The following VPS53 variants were observed in gnomAD, a reference collection of about 807,000 sequenced individuals.
The protein encoded by VPS53 is vacuolar protein sorting-associated protein 53 homolog.
Under a neutral mutation model 107.0 loss-of-function variants are expected in VPS53, and 70 were observed. The ratio of observed to expected loss-of-function variants is 0.65; its 90% confidence interval spans 0.54 to 0.80. The LOEUF (loss-of-function observed/expected upper bound fraction) is 0.80, where lower values mean the gene tolerates loss of function less well. Ranked by LOEUF, VPS53 falls within the 30% of genes least tolerant of loss-of-function variation. The probability of loss-of-function intolerance (pLI) is 0.00; values close to 1 mark genes in which losing one functional copy is unlikely to be tolerated. For missense variants in VPS53, 917 were observed against 1,049.4 expected (o/e 0.87, Z 1.74); for synonymous variants, 409 against 393.3 (o/e 1.04, Z -0.47).
intron 5 of VPS53, chr17:656,716 GTGTGT>G: frequency 1.5e-6 from 1 of 680,716 alleles, no homozygotes; most frequent in Non-Finnish European, 2.6e-6. Context: ...GTGTGTGTGT[GTGTGT>G]GTGTGTGTGT....
At chr17:603,591 CT>C (rs35892811) in intron 11 of VPS53, among the ~76,000 whole-genome samples, 20,991 of 152,188 alleles carry the variant, frequency 0.14, 1,912 homozygotes, top group South Asian at 0.23. Flanking sequence ...ATGACAAAGC[CT>C]TGTGGTGATG....
At chr17:652,119 C>T (rs1021364687) in intron 7 of VPS53, among the ~76,000 whole-genome samples, 6 of 151,926 alleles carry the variant, frequency 3.9e-5, no homozygotes, top group African/African-American at 9.7e-5. Context: ...CTCAGCTTCC[C>T]GAGTAGCTGG....
chr17:701,752 C>T (rs77284150), intron 2 of VPS53, among the ~76,000 whole-genome samples: 14,878 of 151,410 alleles, frequency 0.098, 818 homozygotes, highest in East Asian at 0.21. Context: ...TTTAAGATGG[C>T]GGCTCACTCT....
At chr17:575,785 A>C (rs1243126549) in intron 13 of VPS53, among the ~76,000 whole-genome samples, 1 of 149,674 alleles carries the variant, frequency 6.7e-6, no homozygotes, top group East Asian at 2.0e-4. Context: ...TTCCCTCAGA[A>C]CCTAATGCGG....
At chr17:683,255 A>C (rs1432529800) in intron 4 of VPS53, among the ~76,000 whole-genome samples, 2 of 152,158 alleles carry the variant, frequency 1.3e-5, no homozygotes, top group African/African-American at 4.8e-5. Context: ...ATTTTTTTTT[A>C]AGTGAAAGGC....
chr17:657,663 G>T, intron 5 of VPS53: 1 of 573,158 alleles, frequency 1.7e-6, no homozygotes, highest in Non-Finnish European at 3.1e-6. Flanking sequence ...GGAGTGCCCT[G>T]GATACCAAAC....
In VPS53 at chr17:518,824, G is replaced by T; in HGVS notation, c.*304C>A. The T allele has an allele frequency of 4.1e-6, 1 of 244,668 alleles. No individual in the cohort carries two copies. Among genetic ancestry groups the T allele is most frequent in the Non-Finnish European group, 7.7e-6 (1 of 129,272 alleles). 15.2% of individuals were successfully genotyped at this position (244,668 alleles called of 1,614,324 possible). ...GGTGGGGCCCACGTGTCAAGAGGGT[G>T]TGACTGCCATGGGGAGGCTACATGA... On this transcript the variant is annotated 3_prime_UTR_variant, in exon 22 of 22. Transcript: ENST00000437048.
intron 19 of VPS53, among the ~76,000 whole-genome samples, chr17:521,940 T>TA (rs1908794325): frequency 6.6e-6 from 1 of 152,132 alleles, no homozygotes; most frequent in Non-Finnish European, 1.5e-5. Context: ...GGAGCCAGCC[T>TA]ATGTGTACGT....
intron 19 of VPS53, chr17:523,252 A>C (rs1221312255): frequency 6.6e-6 from 1 of 152,502 alleles, no homozygotes; most frequent in African/African-American, 2.4e-5. Context: ...TGGCCTGTTG[A>C]GATGGCTTAG....
At chr17:626,023 C>T (rs1969693416) in intron 10 of VPS53, among the ~76,000 whole-genome samples, 1 of 151,966 alleles carries the variant, frequency 6.6e-6, no homozygotes, top group Admixed American at 6.6e-5. Context: ...AACAACACAG[C>T]AAAACTCTTG....
intron 11 of VPS53, among the ~76,000 whole-genome samples, chr17:619,502 C>G (rs1228012143): frequency 1.4e-5 from 2 of 138,624 alleles, no homozygotes; most frequent in Non-Finnish European, 3.1e-5. Flanking sequence ...TCCCGGATAG[C>G]TGGGACTACA....
chr17:592,958 C>A (rs1055794560), intron 12 of VPS53, among the ~76,000 whole-genome samples: 11 of 152,224 alleles, frequency 7.2e-5, no homozygotes, highest in African/African-American at 2.6e-4. Flanking sequence ...GGGAAGTTCT[C>A]CTGGATAGAT....
intron 2 of VPS53, among the ~76,000 whole-genome samples, chr17:707,564 T>C (rs1263457972): frequency 6.8e-6 from 1 of 146,692 alleles, no homozygotes. Flanking sequence ...TGAAAAATAT[T>C]TGGGCCAGGT....
At chr17:552,051 TG>T in intron 16 of VPS53, 101 bp from the exon 17 acceptor site, 1 of 1,126,350 alleles carries the variant, frequency 8.9e-7, no homozygotes, top group Non-Finnish European at 1.2e-6. Flanking sequence ...ATCATTTCAC[TG>T]GCAAAGTTTG....
chr17:679,324 G>C, intron 4 of VPS53, among the ~76,000 whole-genome samples: 1 of 151,960 alleles, frequency 6.6e-6, no homozygotes, highest in Non-Finnish European at 1.5e-5. Context: ...GACCATCCTG[G>C]CCAACACGGT....
rs1597259538 is a variant in VPS53 at position 536,783 on chromosome 17, C to T, written c.2015+245G>A. The T allele has an allele frequency of 1.3e-5, 6 of 451,640 alleles. No individual in the cohort carries two copies. The East Asian group carries it at 2.5e-4, about 19-fold the overall frequency. The allele number at this position is 451,640 out of a possible 1,614,324, so 28.0% of individuals were successfully genotyped here. On this transcript the variant is annotated intron_variant, in intron 18 of 21. Transcript: ENST00000437048. The stretch of plus-strand genomic sequence containing the variant: ...ACATTTGTCCAAACCGAGGGAATGT[C>T]CAGCGCGACGTCAGAGTCCGGGTGA...
At chr17:663,522 A>T (rs968872664) in intron 4 of VPS53, among the ~76,000 whole-genome samples, 2 of 151,922 alleles carry the variant, frequency 1.3e-5, no homozygotes, top group Admixed American at 6.6e-5. Context: ...GACTACCTAC[A>T]GCTAAAGTAC....
chr17:710,414 G>C, intron 2 of VPS53, 119 bp downstream of exon 2: 1 of 748,204 alleles, frequency 1.3e-6, no homozygotes, highest in South Asian at 1.7e-5. Context: ...AGTTTGATTT[G>C]AATTTAACTC....
chr17:531,965 T>C (rs1909611821), intron 19 of VPS53: 1 of 151,052 alleles, frequency 6.6e-6, no homozygotes, highest in Admixed American at 6.7e-5. Flanking sequence ...TTTTTTTTTT[T>C]TTGAGATGGA....
Sources: allele counts gnomAD v4.1 joint callset (sites outside exome capture counted in the v4.1 genomes callset), GRCh38; gene constraint gnomAD v4.1.1; transcripts MANE v1.5; gene names NCBI Gene and HGNC (gene_info 2026-07-23, HGNC 2026-07-21).